PTBP3: variants seen among roughly 807,000 people sequenced by gnomAD.
PTBP3 encodes the protein polypyrimidine tract-binding protein 3.
In PTBP3, 20 loss-of-function variants were observed where a neutral mutation model predicts 58.7. That is an observed-to-expected ratio of 0.34 (90% CI 0.24 to 0.50). The LOEUF is 0.50. Among genes scored for constraint, PTBP3 ranks in the 20% least tolerant of loss-of-function variants. The pLI is 0.98. For synonymous variants in PTBP3, 185 were observed against 219.8 expected (o/e 0.84, Z 1.40); for missense variants, 509 against 637.2 (o/e 0.80, Z 2.17).
At chr9:112,262,137 T>A (rs573225057) in intron 5 of PTBP3, among the ~76,000 whole-genome samples, 6 of 152,276 alleles carry the variant, frequency 3.9e-5, no homozygotes, top group Non-Finnish European at 8.8e-5. Flanking sequence ...GACATTACTT[T>A]CTAAGGAACA....
intron 1 of PTBP3, among the ~76,000 whole-genome samples, chr9:112,305,107 A>T (rs1454755407): frequency 1.3e-5 from 2 of 152,174 alleles, no homozygotes; most frequent in African/African-American, 4.8e-5. Flanking sequence ...GAGTTTTTCA[A>T]ATACTGTTAA....
intron 2 of PTBP3, among the ~76,000 whole-genome samples, chr9:112,297,004 G>GATA (rs144614837): frequency 1.3e-4 from 19 of 151,716 alleles, no homozygotes; most frequent in South Asian, 8.3e-4. Context: ...CCAAATAAAG[G>GATA]ATAATAATAA....
At chr9:112,273,983 C>T (rs550144526) in intron 3 of PTBP3, among the ~76,000 whole-genome samples, 2 of 152,324 alleles carry the variant, frequency 1.3e-5, no homozygotes, top group African/African-American at 4.8e-5. Flanking sequence ...ATGTTGCCTG[C>T]TCAGCCTTTC....
the PTBP3 span, among the ~76,000 whole-genome samples, chr9:112,373,871 C>T: frequency 6.6e-6 from 1 of 152,210 alleles, no homozygotes; most frequent in East Asian, 1.9e-4. Flanking sequence ...CAATTACAGT[C>T]CTTGTTTCTG....
chr9:112,220,354 C>G lies in PTBP3; in HGVS notation c.*3497G>C, dbSNP rs748734186. The G allele has an allele frequency of 3.9e-6, 5 of 1,274,378 alleles. No homozygotes were observed. In the South Asian group the frequency reaches 6.4e-5, roughly 16 times the overall value. 78.9% of individuals were successfully genotyped at this position (1,274,378 alleles called of 1,614,324 possible). On this transcript the variant is annotated 3_prime_UTR_variant, in exon 14 of 14. Transcript: ENST00000374257. The stretch of plus-strand genomic sequence containing the variant: ...GGTGGAAGCAGGAGAATCACTTGAG[C>G]CCAGGAGTTGGCGAGACCCCTAAAA...
At chr9:112,372,267 A>T in the PTBP3 span, among the ~76,000 whole-genome samples, 1 of 152,018 alleles carries the variant, frequency 6.6e-6, no homozygotes, top group Non-Finnish European at 1.5e-5. Context: ...TTTTGTAGAG[A>T]CAGGGTCTCA....
At chr9:112,343,442 T>A in the PTBP3 span, among the ~76,000 whole-genome samples, 1 of 152,118 alleles carries the variant, frequency 6.6e-6, no homozygotes, top group Non-Finnish European at 1.5e-5. Context: ...TTAGCTCATA[T>A]CCTCAACTGG....
At chr9:112,260,411 T>C (rs942868635) in intron 5 of PTBP3, among the ~76,000 whole-genome samples, 2 of 152,194 alleles carry the variant, frequency 1.3e-5, no homozygotes, top group African/African-American at 4.8e-5. Flanking sequence ...AGACCCTGTA[T>C]CTGTAACTGC....
chr9:112,256,291 A>ATATATATATATG (rs1836354616), intron 5 of PTBP3, among the ~76,000 whole-genome samples: 2 of 31,350 alleles, frequency 6.4e-5, no homozygotes, highest in African/African-American at 6.1e-4. Flanking sequence ...ATATATATAT[A>ATATATATATATG]TACATATATA....
the PTBP3 span, among the ~76,000 whole-genome samples, chr9:112,350,709 A>G: frequency 1.3e-5 from 2 of 152,200 alleles, no homozygotes; most frequent in Non-Finnish European, 2.9e-5. Context: ...GGCATAAACA[A>G]CAAACATTAT....
chr9:112,369,017 T>C, the PTBP3 span, among the ~76,000 whole-genome samples: 1 of 152,220 alleles, frequency 6.6e-6, no homozygotes, highest in Non-Finnish European at 1.5e-5. Flanking sequence ...CGAGGTCTTG[T>C]GCCTGCAGAT....
the PTBP3 span, among the ~76,000 whole-genome samples, chr9:112,368,315 C>T: frequency 2.0e-5 from 3 of 152,146 alleles, no homozygotes; most frequent in African/African-American, 7.2e-5. Flanking sequence ...GGATTACAGG[C>T]GTGCGCCACC....
chr9:112,376,356 C>T, the PTBP3 span, among the ~76,000 whole-genome samples: 1 of 143,408 alleles, frequency 7.0e-6, no homozygotes, highest in East Asian at 2.1e-4. Flanking sequence ...CAGGTTCAAG[C>T]GATTCTCCTG....
At chr9:112,246,420 C>A (rs1222714607) in intron 7 of PTBP3, among the ~76,000 whole-genome samples, 1 of 151,978 alleles carries the variant, frequency 6.6e-6, no homozygotes, top group Admixed American at 6.5e-5. Context: ...GTAGGACAGG[C>A]GCGGTGGCTC....
chr9:112,358,178 C>T, the PTBP3 span, among the ~76,000 whole-genome samples: 2,323 of 152,140 alleles, frequency 0.015, 65 homozygotes, highest in African/African-American at 0.052. Context: ...GGCGTGGTGG[C>T]AGGTGCCTTT....
Position 112,333,483 on chromosome 9 carries a change from A to G in PTBP3, c.-65T>C. The G allele has an allele frequency of 6.3e-7, 1 of 1,592,396 alleles. No homozygotes were observed. ...CCTAGTACTTACCCATCCATGGCCC[A>G]GATGGAGGCGCGCACAGAGCAGGGA... On this transcript the variant is annotated 5_prime_UTR_variant, in exon 1 of 14. Transcript: ENST00000374257.
the PTBP3 span, among the ~76,000 whole-genome samples, chr9:112,359,206 C>T: frequency 1.2e-4 from 18 of 151,610 alleles, no homozygotes; most frequent in Non-Finnish European, 1.8e-4. Flanking sequence ...TTTGGGAGGC[C>T]GAGGTGAGCG....
chr9:112,309,059 T>C (rs1829359766), intron 1 of PTBP3, among the ~76,000 whole-genome samples: 1 of 152,204 alleles, frequency 6.6e-6, no homozygotes, highest in African/African-American at 2.4e-5. Context: ...AAATAAACCA[T>C]TAATTCATGG....
intron 7 of PTBP3, among the ~76,000 whole-genome samples, chr9:112,239,241 G>C (rs1355961751): frequency 2.0e-5 from 3 of 152,106 alleles, no homozygotes; most frequent in Non-Finnish European, 2.9e-5. Context: ...GGAAAAAACA[G>C]AATAATAAAC....
Sources: gnomAD v4.1 joint callset for allele counts (sites outside exome capture counted in the v4.1 genomes callset) on GRCh38, gnomAD v4.1.1 for gene constraint, MANE v1.5 for transcripts, NCBI Gene and HGNC (gene_info 2026-07-23, HGNC 2026-07-21) for gene names.